VIRMA: variants seen among roughly 807,000 people sequenced by gnomAD.
The protein encoded by VIRMA is vir like m6A methyltransferase associated, also known as protein virilizer homolog.
VIRMA carries 65 observed loss-of-function variants against 182.4 expected under a neutral mutation model. The observed-to-expected ratio is 0.36, with a 90% CI of 0.29 to 0.44. The LOEUF (loss-of-function observed/expected upper bound fraction) is 0.44. Among genes scored for constraint, VIRMA ranks in the 20% least tolerant of loss-of-function variants. The pLI is 1.00. For synonymous variants in VIRMA, 709 were observed against 743.1 expected, an observed-to-expected ratio of 0.95 and a Z score of 0.75; for missense variants, 1,752 against 2,158.1, an observed-to-expected ratio of 0.81 and a Z score of 3.73.
intron 13 of VIRMA, 64 bp downstream of exon 13, chr8:94,511,121 C>A: frequency 6.4e-7 from 1 of 1,550,452 alleles, no homozygotes; most frequent in South Asian, 1.2e-5. Flanking sequence ...TTAACAAAAT[C>A]ACTGGCTTTT....
chr8:94,536,618 A>G (rs1404240597), intron 4 of VIRMA, among the ~76,000 whole-genome samples: 2 of 152,238 alleles, frequency 1.3e-5, no homozygotes, highest in African/African-American at 2.4e-5. Context: ...TTATAGGTAG[A>G]GAACGGCATT....
intron 15 of VIRMA, among the ~76,000 whole-genome samples, chr8:94,509,073 A>G (rs1814263004): frequency 1.3e-5 from 2 of 152,190 alleles, no homozygotes; most frequent in Non-Finnish European, 2.9e-5. Context: ...CAACAAGAGA[A>G]CATATTAATT....
In VIRMA at chr8:94,509,697, G is replaced by T; in HGVS notation, c.3870C>A (p.Leu1290=). The change falls in exon 15 of 24, where the codon CTC becomes CTA. Residue 1290 remains leucine, a synonymous_variant. Coordinates refer to ENST00000297591, the MANE Select transcript of VIRMA (RefSeq NM_015496.5). ...VEYVTSILQS[L]CDQDIALILP... The stretch of plus-strand genomic sequence containing the variant: ...AAATAACTATAAATACCTGATCACA[G>T]AGAGACTGCAAAATGGATGTGACAT... 1 of 1,612,860 alleles carries T rather than the reference G, an allele frequency of 6.2e-7. No homozygotes were observed. The highest frequency in any genetic ancestry group is 1.1e-5 in the South Asian group (1 of 90,798).
At chr8:94,494,591 C>CAAAAAAAAAAAAAAAAAAAAAAA (rs1175058697) in intron 20 of VIRMA, among the ~76,000 whole-genome samples, 1 of 42,926 alleles carries the variant, frequency 2.3e-5, no homozygotes, top group Non-Finnish European at 3.9e-5. Flanking sequence ...GACTCTGTCT[C>CAAAAAAAAAAAAAAAAAAAAAAA]AAAAAAAAAA....
chr8:94,523,906 C>T (rs1469016852), intron 8 of VIRMA, among the ~76,000 whole-genome samples: 2 of 152,134 alleles, frequency 1.3e-5, no homozygotes, highest in African/African-American at 2.4e-5. Flanking sequence ...GATTCTCCTG[C>T]CTCAGCCTCC....
intron 9 of VIRMA, 21 bp from the exon 10 acceptor site, chr8:94,517,963 T>C: frequency 6.3e-7 from 1 of 1,587,326 alleles, no homozygotes; most frequent in East Asian, 2.2e-5. Flanking sequence ...ATAAGGTTTT[T>C]AAGTTTTGGA....
At chr8:94,519,535 A>G in intron 8 of VIRMA, 59 bp from the exon 9 acceptor site, 1 of 1,488,844 alleles carries the variant, frequency 6.7e-7, no homozygotes, top group South Asian at 1.4e-5. Context: ...CATTTACTCA[A>G]TATTCAGACA....
intron 18 of VIRMA, 70 bp downstream of exon 18, chr8:94,496,258 C>A (rs767116201): frequency 2.3e-6 from 3 of 1,326,800 alleles, no homozygotes; most frequent in East Asian, 4.7e-5. Context: ...AAGGTCACTA[C>A]GAAATACTTG....
intron 15 of VIRMA, among the ~76,000 whole-genome samples, chr8:94,509,483 C>G (rs1373879599): frequency 6.6e-6 from 1 of 151,634 alleles, no homozygotes; most frequent in Admixed American, 6.6e-5. Context: ...GAAACACTGG[C>G]ACATAAAGCA....
At position 94,535,074 on chromosome 8, in the gene VIRMA, T is replaced by C. The variant is rs542735967; in HGVS notation, c.316-67A>G. 1.5e-5 allele frequency: 22 copies of C among 1,515,696 alleles called. No individual in the cohort carries two copies. The African/African-American group carries it at 3.1e-4, about 21-fold the overall frequency. The allele number at this position is 1,515,696 out of a possible 1,614,324, so 93.9% of individuals were successfully genotyped here. Reference sequence around the variant, plus strand: ...TTTTAAAATGCTAGAAGTTAGCTGATACCAAATTAGATTGTGGTTCAACTA... The same window carrying C: ...TTTTAAAATGCTAGAAGTTAGCTGACACCAAATTAGATTGTGGTTCAACTA... On this transcript the variant is annotated intron_variant, in intron 4 of 23. Coordinates refer to ENST00000297591, the MANE Select transcript of VIRMA (RefSeq NM_015496.5).
chr8:94,514,552 A>T (rs570582103), intron 11 of VIRMA, among the ~76,000 whole-genome samples: 1 of 152,366 alleles, frequency 6.6e-6, no homozygotes, highest in East Asian at 1.9e-4. Context: ...ATGTTACATG[A>T]CTACAGCATT....
At chr8:94,540,125 T>C (rs1185790663) in intron 2 of VIRMA, among the ~76,000 whole-genome samples, 1 of 152,216 alleles carries the variant, frequency 6.6e-6, no homozygotes, top group Non-Finnish European at 1.5e-5. Context: ...GAAACCTTGA[T>C]ATGCGAACAG....
At chr8:94,507,377 C>T (rs888737338) in intron 15 of VIRMA, among the ~76,000 whole-genome samples, 5 of 151,692 alleles carry the variant, frequency 3.3e-5, no homozygotes, top group Non-Finnish European at 7.4e-5. Context: ...TCAGGTGATC[C>T]ACCTGCCTCG....
In VIRMA at chr8:94,534,911, A is replaced by G. The variant is rs879023939; in HGVS notation, c.412T>C (p.Ser138Pro). Residue 138 changes from serine (S) to proline (P), a missense_variant, in exon 5 of 24, where the codon TCT becomes CCT. Transcript: ENST00000297591. ...VDRVISHDRDSPPPPPPPPPP... is the reference protein window; with the variant it reads ...VDRVISHDRDPPPPPPPPPPP... ...GGCGGTGGAGGTGGTGGTGGTGGAG[A>G]GTCTCTGTCATGACTTATCACTCTA... 2.5e-6 allele frequency: 4 copies of G among 1,613,194 alleles called. No homozygotes were observed. Among genetic ancestry groups the G allele is most frequent in the Non-Finnish European group, 3.4e-6 (4 of 1,179,846 alleles).
At position 94,488,591 on chromosome 8, in the gene VIRMA, A is replaced by G; in HGVS notation, c.*115T>C. On this transcript the variant is annotated 3_prime_UTR_variant, in exon 24 of 24. Coordinates refer to ENST00000297591, the MANE Select transcript of VIRMA (RefSeq NM_015496.5). ...CAAATTCTGCTTTCTTCAGATAAAA[A>G]TATTCTCTCAGATGTCTCCAGATAA... 1.0e-6 allele frequency: 1 copy of G among 962,004 alleles called. No homozygotes were observed. Among genetic ancestry groups the G allele is most frequent in the East Asian group, 2.6e-5 (1 of 39,088 alleles). 59.6% of individuals were successfully genotyped at this position (962,004 alleles called of 1,614,324 possible). A position where few individuals can be genotyped will look rare whatever the true frequency, so the allele number is the denominator to read the frequency against.
rs1204163783 is a variant in VIRMA, at chr8:94,487,695, G to A, written c.*1011C>T. 6.6e-6 allele frequency: 1 copy of A among 152,196 alleles called. No individual in the cohort carries two copies. Among genetic ancestry groups the A allele is most frequent in the African/African-American group, 2.4e-5 (1 of 41,460 alleles). The allele number at this position is 152,196 out of a possible 1,614,324, so 9.4% of individuals were successfully genotyped here. On this transcript the variant is annotated 3_prime_UTR_variant, in exon 24 of 24. Transcript: ENST00000297591. ...AATGAGACTCATACACTCCTTTTCT[G>A]ATTAAGATAACTCTGTATTTTACGC...
intron 1 of VIRMA, among the ~76,000 whole-genome samples, chr8:94,546,018 C>T (rs958807524): frequency 2.1e-5 from 3 of 144,080 alleles, no homozygotes; most frequent in Non-Finnish European, 4.4e-5. Context: ...GATGGCACCA[C>T]TGCACCCCAT....
rs1259229913 is a variant in VIRMA at position 94,496,366 on chromosome 8, G to T, written c.4345C>A (p.Pro1449Thr). ...KQLLQSKEESPENLFLELEKL... is the reference protein window; with the variant it reads ...KQLLQSKEESTENLFLELEKL... Reference sequence around the variant, plus strand: ...TCTAGTTCAAGGAACAAATTTTCTGGACTTTCTTCTTTGCTTTGTAGAAGC... The same window carrying T: ...TCTAGTTCAAGGAACAAATTTTCTGTACTTTCTTCTTTGCTTTGTAGAAGC... Residue 1449 changes from proline (P) to threonine (T), a missense_variant, in exon 18 of 24, where the codon CCA (proline) becomes ACA (threonine). Physicochemically the swap from Pro to Thr is conservative, Grantham distance 38. Transcript: ENST00000297591. 3 of 1,612,542 alleles carry T rather than the reference G, an allele frequency of 1.9e-6. No individual in the cohort carries two copies. The Admixed American group carries it at 5.0e-5, about 27-fold the overall frequency.
intron 11 of VIRMA, chr8:94,512,519 A>T (rs766472487): frequency 6.6e-6 from 1 of 152,402 alleles, no homozygotes; most frequent in Admixed American, 6.5e-5. Context: ...GCTCACACCT[A>T]TAATTCCAGC....
Sources: allele counts gnomAD v4.1 joint callset (sites outside exome capture counted in the v4.1 genomes callset), GRCh38; gene constraint gnomAD v4.1.1; transcripts MANE v1.5; gene names NCBI Gene and HGNC (gene_info 2026-07-23, HGNC 2026-07-21).